The following GRID2 variants were observed in gnomAD, a reference collection of about 807,000 sequenced individuals.
GRID2 encodes glutamate receptor ionotropic, delta-2.
Under a neutral mutation model 114.8 loss-of-function variants are expected in GRID2, and 33 were observed. That is an observed-to-expected ratio of 0.29 (90% CI 0.22 to 0.38). The LOEUF is 0.38. GRID2 is among the 10% of genes least tolerant of loss of function. GRID2 has a pLI of 1.00. For missense variants in GRID2, 1,184 were observed against 1,257.7 expected (o/e 0.94, Z 0.89); for synonymous variants, 505 against 449.9 (o/e 1.12, Z -1.55).
chr4:92,996,394 A>C (rs1398384125), intron 2 of GRID2, among the ~76,000 whole-genome samples: 2 of 152,314 alleles, frequency 1.3e-5, no homozygotes, highest in Admixed American at 6.5e-5. Flanking sequence ...TATTATACAT[A>C]TGTTTGCCCA....
intron 14 of GRID2, among the ~76,000 whole-genome samples, chr4:93,735,557 A>G (rs1440357673): frequency 6.6e-6 from 1 of 152,020 alleles, no homozygotes; most frequent in African/African-American, 2.4e-5. Context: ...AATTTTACCT[A>G]CATTGATCAA....
chr4:92,807,301 T>G (rs1003762834), intron 2 of GRID2, among the ~76,000 whole-genome samples: 15 of 152,006 alleles, frequency 9.9e-5, no homozygotes, highest in Admixed American at 9.9e-4. Flanking sequence ...AAGTGTACCC[T>G]TTGCTTATTT....
At chr4:92,555,005 AT>A (rs1726781460) in intron 1 of GRID2, among the ~76,000 whole-genome samples, 1 of 152,190 alleles carries the variant, frequency 6.6e-6, no homozygotes, top group African/African-American at 2.4e-5. Context: ...CAGTTGTTTA[AT>A]AAAATTAACT....
intron 7 of GRID2, among the ~76,000 whole-genome samples, chr4:93,236,889 TA>T (rs1245791304): frequency 6.6e-6 from 1 of 152,102 alleles, no homozygotes; most frequent in Non-Finnish European, 1.5e-5. Context: ...CTAAGAGAAC[TA>T]AAAATCCTTC....
chr4:92,717,113 A>G (rs548371306), intron 2 of GRID2, among the ~76,000 whole-genome samples: 3 of 152,154 alleles, frequency 2.0e-5, no homozygotes, highest in Non-Finnish European at 4.4e-5. Flanking sequence ...ATGCATGGCA[A>G]TGTGAATGAG....
intron 1 of GRID2, among the ~76,000 whole-genome samples, chr4:92,574,484 C>G (rs1727792240): frequency 6.9e-6 from 1 of 144,128 alleles, no homozygotes; most frequent in Non-Finnish European, 1.5e-5. Context: ...TTCAGGAGCT[C>G]TTGTAACACA....
At chr4:93,214,415 C>A (rs1743944118) in intron 5 of GRID2, among the ~76,000 whole-genome samples, 2 of 151,968 alleles carry the variant, frequency 1.3e-5, no homozygotes, top group Non-Finnish European at 2.9e-5. Context: ...TCTCGAAATG[C>A]CCCTTTTGAA....
chr4:93,171,970 A>T (rs554549166), intron 4 of GRID2, among the ~76,000 whole-genome samples: 3 of 152,292 alleles, frequency 2.0e-5, no homozygotes, highest in South Asian at 2.1e-4. Flanking sequence ...GAAAATTGCT[A>T]GATTATCATT....
intron 2 of GRID2, among the ~76,000 whole-genome samples, chr4:92,697,687 T>C (rs999162817): frequency 2.6e-5 from 4 of 152,000 alleles, no homozygotes; most frequent in Non-Finnish European, 5.9e-5. Context: ...GTCTTACAAT[T>C]TGGAAAGGCA....
At chr4:93,165,415 G>C (rs900809431) in intron 4 of GRID2, among the ~76,000 whole-genome samples, 2 of 151,980 alleles carry the variant, frequency 1.3e-5, no homozygotes, top group African/African-American at 4.8e-5. Flanking sequence ...ATCTAAGACA[G>C]AGGGGACACA....
intron 2 of GRID2, among the ~76,000 whole-genome samples, chr4:92,870,418 T>G (rs1361388086): frequency 6.6e-6 from 1 of 151,964 alleles, no homozygotes; most frequent in Non-Finnish European, 1.5e-5. Context: ...TTACAGTATT[T>G]AGGTGTTTCA....
intron 2 of GRID2, among the ~76,000 whole-genome samples, chr4:92,755,653 G>T (rs1036309124): frequency 1.3e-5 from 2 of 152,008 alleles, no homozygotes; most frequent in African/African-American, 4.8e-5. Flanking sequence ...ATGTATTAAT[G>T]AAACAAAAAG....
At chr4:93,000,050 T>G (rs937088324) in intron 2 of GRID2, among the ~76,000 whole-genome samples, 1 of 151,650 alleles carries the variant, frequency 6.6e-6, no homozygotes, top group African/African-American at 2.4e-5. Flanking sequence ...ACAATCTCAT[T>G]GGAGAAAAAT....
chr4:93,390,060 A>T (rs561145936), intron 8 of GRID2, among the ~76,000 whole-genome samples: 19 of 152,278 alleles, frequency 1.2e-4, no homozygotes, highest in Non-Finnish European at 2.8e-4. Context: ...AAGTGTTGGG[A>T]CTACAGGCGT....
chr4:93,677,532 A>C (rs1725018556), intron 14 of GRID2, among the ~76,000 whole-genome samples: 2 of 152,232 alleles, frequency 1.3e-5, no homozygotes, highest in South Asian at 4.2e-4. Flanking sequence ...GGCACCCCCC[A>C]GTAGGGGCAG....
chr4:92,362,713 G>C (rs948220969), intron 1 of GRID2, among the ~76,000 whole-genome samples: 2 of 151,874 alleles, frequency 1.3e-5, no homozygotes, highest in Admixed American at 1.3e-4. Flanking sequence ...TGAGACCTAA[G>C]AAGTTTTAAA....
chr4:92,703,383 G>A (rs1019466937), intron 2 of GRID2, among the ~76,000 whole-genome samples: 1 of 151,950 alleles, frequency 6.6e-6, no homozygotes, highest in Non-Finnish European at 1.5e-5. Context: ...TAAAAATACT[G>A]ACTTTAAAGA....
intron 3 of GRID2, among the ~76,000 whole-genome samples, chr4:93,096,160 T>C (rs1040297038): frequency 5.9e-5 from 9 of 151,942 alleles, no homozygotes; most frequent in African/African-American, 2.2e-4. Flanking sequence ...GGTCCCTGTA[T>C]GGAATCAAAA....
At chr4:93,373,123 A>G (rs1000520965) in intron 8 of GRID2, among the ~76,000 whole-genome samples, 5 of 152,020 alleles carry the variant, frequency 3.3e-5, no homozygotes, top group Admixed American at 1.3e-4. Flanking sequence ...ATTCAGTCTT[A>G]TTTCCTATCA....
Sources: gnomAD v4.1 joint callset for allele counts (sites outside exome capture counted in the v4.1 genomes callset) on GRCh38, gnomAD v4.1.1 for gene constraint, MANE v1.5 for transcripts, NCBI Gene and HGNC (gene_info 2026-07-23, HGNC 2026-07-21) for gene names.